The following EVC2 variants were observed in gnomAD, a reference collection of about 807,000 sequenced individuals.
The protein encoded by EVC2 is limbin.
Under a neutral mutation model 149.3 loss-of-function variants are expected in EVC2, and 148 were observed. That is an observed-to-expected ratio of 0.99 (90% CI 0.87 to 1.14). The LOEUF (loss-of-function observed/expected upper bound fraction) is 1.14. Ranked by LOEUF, EVC2 falls within the 50% of genes most tolerant of loss-of-function variation. The probability of loss-of-function intolerance (pLI) is 0.00; values close to 1 mark genes in which losing one functional copy is unlikely to be tolerated. For missense variants in EVC2, 1,854 were observed against 1,627.3 expected (o/e 1.14, Z -2.40); for synonymous variants, 776 against 649.9 (o/e 1.19, Z -2.95).
intron 19 of EVC2, among the ~76,000 whole-genome samples, chr4:5,570,445 A>C (rs1229633787): frequency 2.0e-5 from 3 of 152,208 alleles, no homozygotes; most frequent in Non-Finnish European, 4.4e-5. Flanking sequence ...TTGGTGACAC[A>C]AAAAGCATTC....
intron 9 of EVC2, among the ~76,000 whole-genome samples, chr4:5,650,606 T>C (rs996285318): frequency 9.9e-4 from 27 of 27,270 alleles, no homozygotes; most frequent in East Asian, 9.7e-3. Flanking sequence ...TTAATCGCCA[T>C]ATATATATAT....
chr4:5,631,731 A>C, intron 11 of EVC2, 62 bp downstream of exon 11: 1 of 1,602,182 alleles, frequency 6.2e-7, no homozygotes. Context: ...CTGAGAGAGG[A>C]GACATTTACT....
chr4:5,698,367 C>T (rs1577270010), intron 1 of EVC2, among the ~76,000 whole-genome samples: 1 of 152,106 alleles, frequency 6.6e-6, no homozygotes, highest in African/African-American at 2.4e-5. Flanking sequence ...GTGGAGAGAA[C>T]TGGACTCTAG....
At chr4:5,632,333 TATAC>T (rs1279260023) in intron 10 of EVC2, among the ~76,000 whole-genome samples, 2 of 152,088 alleles carry the variant, frequency 1.3e-5, no homozygotes, top group African/African-American at 4.8e-5. Flanking sequence ...GCACACAGCA[TATAC>T]ACACACAGCA....
At chr4:5,595,908 G>A (rs924515996) in intron 16 of EVC2, among the ~76,000 whole-genome samples, 8 of 152,058 alleles carry the variant, frequency 5.3e-5, no homozygotes, top group Non-Finnish European at 7.4e-5. Context: ...AAAAAGGCAG[G>A]GGTTGCAATC....
rs962120447 is a variant in EVC2, at chr4:5,613,049, T to G, written c.2829+2373A>C. On this transcript the variant is annotated intron_variant, in intron 16 of 21. Coordinates refer to ENST00000344408, the MANE Select transcript of EVC2 (RefSeq NM_147127.5). This position sits in a 1 kb window ranked among gnomAD's most constrained non-coding sequence, Gnocchi z 4.6. ...GCCTTGAGCCACTGGGTGGGAGCGG[T>G]GCGGTCTGCACCTGATGTCCCCATG... is the stretch of plus-strand genomic sequence containing the variant. Among the ~76,000 whole-genome samples, 1 of 148,038 alleles carries G rather than the reference T, an allele frequency of 6.8e-6. No homozygotes were observed. Among genetic ancestry groups the G allele is most frequent in the Non-Finnish European group, 1.5e-5 (1 of 67,316 alleles).
At chr4:5,650,323 C>T (rs1718015314) in intron 9 of EVC2, among the ~76,000 whole-genome samples, 1 of 152,078 alleles carries the variant, frequency 6.6e-6, no homozygotes, top group Non-Finnish European at 1.5e-5. Context: ...CCTCCCTGTC[C>T]TTCCTGCGCT....
At chr4:5,545,125 T>C (rs974656319) in intron 21 of EVC2, among the ~76,000 whole-genome samples, 2 of 152,206 alleles carry the variant, frequency 1.3e-5, no homozygotes, top group African/African-American at 4.8e-5. Flanking sequence ...ACAACACCTA[T>C]AGATGGCCCT....
At chr4:5,535,601 AAGAGAGAGAGAGAGAGAG>A in the EVC2 span, among the ~76,000 whole-genome samples, 2 of 118,210 alleles carry the variant, frequency 1.7e-5, no homozygotes, top group African/African-American at 3.4e-5. The surrounding 1 kb of genome is among the most constrained non-coding windows in gnomAD (Gnocchi z 4.7). Flanking sequence ...CATGCTTAGA[AAGAGAGAGAGAGAGAGAG>A]AGAGAGAGAG....
intron 1 of EVC2, among the ~76,000 whole-genome samples, chr4:5,699,063 G>A (rs1233838981): frequency 6.6e-6 from 1 of 152,200 alleles, no homozygotes; most frequent in Non-Finnish European, 1.5e-5. Context: ...CTGGGGTGAT[G>A]TAACCCCAGC....
intron 9 of EVC2, among the ~76,000 whole-genome samples, chr4:5,654,167 T>C (rs1371863496): frequency 1.3e-5 from 2 of 152,186 alleles, no homozygotes; most frequent in South Asian, 4.2e-4. Context: ...TGAGCCAAGA[T>C]TGTGCCACGG....
At chr4:5,671,258 T>C (rs1023933986) in intron 7 of EVC2, among the ~76,000 whole-genome samples, 5 of 152,238 alleles carry the variant, frequency 3.3e-5, no homozygotes, top group Non-Finnish European at 7.3e-5. Context: ...GTGGCCTTCA[T>C]ACCCCCGCTG....
At chr4:5,709,511 G>A (rs2036114394), upstream of EVC2, 1 of 152,218 alleles carries the variant, frequency 6.6e-6, no homozygotes, top group South Asian at 2.1e-4. Context: ...ACCTAACATG[G>A]ACAAGGCCAT....
At chr4:5,530,405 T>C in the EVC2 span, among the ~76,000 whole-genome samples, 12 of 152,352 alleles carry the variant, frequency 7.9e-5, no homozygotes, top group African/African-American at 2.9e-4. Flanking sequence ...CTCTCTAGGA[T>C]AGTTGTTTAT....
chr4:5,652,654 G>T (rs182535073), intron 9 of EVC2, among the ~76,000 whole-genome samples: 1 of 152,272 alleles, frequency 6.6e-6, no homozygotes, highest in East Asian at 1.9e-4. Flanking sequence ...TGAGGGAGAT[G>T]GCAGGGAGGG....
rs150799588 is a variant in EVC2 at position 5,625,260 on chromosome 4, C to T, written c.2046+489G>A. Reference sequence around the variant, plus strand: ...AGCCTCATCATATTCTTAGAGTCCCCAAATACATGCCATGCGTGCCACTTA... The same window carrying T: ...AGCCTCATCATATTCTTAGAGTCCCTAAATACATGCCATGCGTGCCACTTA... On this transcript the variant is annotated intron_variant, in intron 13 of 21. Coordinates refer to ENST00000344408, the MANE Select transcript of EVC2 (RefSeq NM_147127.5). The surrounding 1 kb of genome is among the most constrained non-coding windows in gnomAD (Gnocchi z 4.0). Among the ~76,000 whole-genome samples the T allele has an allele frequency of 6.6e-6, 1 of 151,684 alleles. No homozygotes were observed. Among genetic ancestry groups the T allele is most frequent in the African/African-American group, 2.4e-5 (1 of 41,340 alleles).
chr4:5,600,938 G>T (rs1482964692), intron 16 of EVC2, among the ~76,000 whole-genome samples: 1 of 152,156 alleles, frequency 6.6e-6, no homozygotes, highest in Admixed American at 6.5e-5. Context: ...AAAACACAGG[G>T]TCCTAGTGAA....
chr4:5,534,302 C>T, the EVC2 span, among the ~76,000 whole-genome samples: 45 of 152,218 alleles, frequency 3.0e-4, no homozygotes, highest in South Asian at 6.6e-3. Context: ...GCCACATCCC[C>T]GATTCTGCAG....
chr4:5,597,937 G>A (rs1234018284), intron 16 of EVC2, among the ~76,000 whole-genome samples: 3 of 109,930 alleles, frequency 2.7e-5, no homozygotes, highest in African/African-American at 1.1e-4. Flanking sequence ...GACAAACAGA[G>A]AGCCAAATCA....
Sources: allele counts gnomAD v4.1 joint callset (sites outside exome capture counted in the v4.1 genomes callset), GRCh38; gene constraint gnomAD v4.1.1; non-coding constraint Gnocchi (gnomAD v3.1); transcripts MANE v1.5; gene names NCBI Gene and HGNC (gene_info 2026-07-23, HGNC 2026-07-21).